ABLIM1: variants seen among roughly 807,000 people sequenced by gnomAD.
ABLIM1 encodes the protein actin binding LIM protein 1, also known as actin-binding LIM protein 1.
In ABLIM1, 40 loss-of-function variants were observed where a neutral mutation model predicts 107.0. The ratio of observed to expected loss-of-function variants is 0.37; its 90% confidence interval spans 0.29 to 0.49. The LOEUF is 0.49. ABLIM1 is among the 20% of genes least tolerant of loss of function. The pLI is 0.97. For synonymous variants in ABLIM1, 357 were observed against 357.3 expected, an observed-to-expected ratio of 1.00 and a Z score of 0.01; for missense variants, 857 against 1,008.5, an observed-to-expected ratio of 0.85 and a Z score of 2.04.
intron 6 of ABLIM1, among the ~76,000 whole-genome samples, chr10:114,504,010 G>A (rs912543576): frequency 2.0e-5 from 3 of 152,188 alleles, no homozygotes; most frequent in Non-Finnish European, 4.4e-5. Flanking sequence ...CATTGCAATA[G>A]TTGGATAACT....
chr10:114,516,992 C>T (rs1263034870), intron 6 of ABLIM1, among the ~76,000 whole-genome samples: 2 of 152,060 alleles, frequency 1.3e-5, no homozygotes, highest in Non-Finnish European at 2.9e-5. Context: ...CTTGGGACTC[C>T]GTTTTTTTTT....
chr10:114,752,101 T>C (rs187188616), intron 1 of ABLIM1, among the ~76,000 whole-genome samples: 15 of 152,306 alleles, frequency 9.8e-5, no homozygotes, highest in Admixed American at 6.5e-4. Context: ...ATTACAGGAA[T>C]TGAGTCAAAG....
chr10:114,587,666 T>C (rs1259820433), intron 2 of ABLIM1, among the ~76,000 whole-genome samples: 1 of 152,168 alleles, frequency 6.6e-6, no homozygotes, highest in African/African-American at 2.4e-5. Flanking sequence ...GCCACACCTG[T>C]GTCCTCACCG....
At chr10:114,600,788 C>T (rs191363940) in intron 2 of ABLIM1, among the ~76,000 whole-genome samples, 130 of 152,222 alleles carry the variant, frequency 8.5e-4, no homozygotes, top group African/African-American at 3.0e-3. Context: ...TCTTGAGCTA[C>T]CCAGACATGC....
At chr10:114,640,630 A>G (rs941096696) in intron 1 of ABLIM1, among the ~76,000 whole-genome samples, 3 of 152,244 alleles carry the variant, frequency 2.0e-5, no homozygotes, top group Non-Finnish European at 4.4e-5. Flanking sequence ...AGAATAAAGT[A>G]CATAACATCT....
At chr10:114,570,034 T>C (rs137912823) in intron 4 of ABLIM1, among the ~76,000 whole-genome samples, 123 of 152,360 alleles carry the variant, frequency 8.1e-4, no homozygotes, top group Non-Finnish European at 1.4e-3. Flanking sequence ...GAATCACTAT[T>C]ATAAATTGCA....
At chr10:114,536,514 C>T (rs1247394785) in intron 6 of ABLIM1, among the ~76,000 whole-genome samples, 1 of 152,060 alleles carries the variant, frequency 6.6e-6, no homozygotes. Flanking sequence ...TCCCAAAGTG[C>T]TGGGATTACA....
chr10:114,797,645 G>GA, the ABLIM1 span, among the ~76,000 whole-genome samples: 1 of 151,798 alleles, frequency 6.6e-6, no homozygotes, highest in Admixed American at 6.6e-5. Context: ...TTCCTCCTTT[G>GA]AAAAAAACTA....
chr10:114,701,999 AT>A (rs953406386), intron 1 of ABLIM1, among the ~76,000 whole-genome samples: 1 of 152,128 alleles, frequency 6.6e-6, no homozygotes, highest in Admixed American at 6.5e-5. Flanking sequence ...TCATTATACT[AT>A]TTTTTTATTG....
chr10:114,734,556 C>A (rs2082141450), intron 1 of ABLIM1, among the ~76,000 whole-genome samples: 1 of 152,140 alleles, frequency 6.6e-6, no homozygotes, highest in African/African-American at 2.4e-5. Context: ...GCCCACCTCA[C>A]CCTCTGTTTT....
At chr10:114,725,541 G>C (rs943693843) in intron 1 of ABLIM1, among the ~76,000 whole-genome samples, 3 of 152,036 alleles carry the variant, frequency 2.0e-5, no homozygotes, top group Non-Finnish European at 4.4e-5. Flanking sequence ...GAAATGAAGT[G>C]TATTTCTTCT....
At chr10:114,737,930 T>C (rs1476826833) in intron 1 of ABLIM1, among the ~76,000 whole-genome samples, 1 of 152,164 alleles carries the variant, frequency 6.6e-6, no homozygotes, top group African/African-American at 2.4e-5. Flanking sequence ...ATGTTCACTC[T>C]ACTACTACTT....
At chr10:114,527,634 GA>G (rs2064966301) in intron 6 of ABLIM1, among the ~76,000 whole-genome samples, 1 of 150,488 alleles carries the variant, frequency 6.6e-6, no homozygotes, top group Non-Finnish European at 1.5e-5. Context: ...TAGGATGATG[GA>G]AAGATTTCTG....
At chr10:114,512,662 T>C (rs965001590) in intron 6 of ABLIM1, among the ~76,000 whole-genome samples, 9 of 152,010 alleles carry the variant, frequency 5.9e-5, no homozygotes, top group Admixed American at 2.0e-4. Flanking sequence ...CTGTCTCTAT[T>C]ACAAATACAA....
intron 4 of ABLIM1, among the ~76,000 whole-genome samples, chr10:114,564,194 A>G (rs2070289905): frequency 6.6e-6 from 1 of 151,456 alleles, no homozygotes; most frequent in Non-Finnish European, 1.5e-5. Flanking sequence ...TCGTTGCTCT[A>G]TCTTCCAACT....
At chr10:114,627,333 G>A (rs143834698) in intron 1 of ABLIM1, among the ~76,000 whole-genome samples, 3 of 152,070 alleles carry the variant, frequency 2.0e-5, no homozygotes, top group South Asian at 2.1e-4. Flanking sequence ...TTTCCTGATC[G>A]GCATACTTGG....
Position 114,464,237 on chromosome 10 carries a change from G to A in ABLIM1, c.1441+1461C>T, listed in dbSNP as rs2064636563. Among the ~76,000 whole-genome samples, 3 of 149,992 alleles carry A rather than the reference G, an allele frequency of 2.0e-5. No individual in the cohort carries two copies. The South Asian group carries it at 6.3e-4, about 32-fold the overall frequency. ...GTCTTGCTCTGTCATCCAGGTTGGAGTGCAATGGCGCCATCTTGGCTCACT... is the reference window on the plus strand; with the variant it reads ...GTCTTGCTCTGTCATCCAGGTTGGAATGCAATGGCGCCATCTTGGCTCACT... On this transcript the variant is annotated intron_variant, in intron 12 of 22. Coordinates refer to ENST00000533213, the MANE Select transcript of ABLIM1 (RefSeq NM_002313.7).
chr10:114,717,913 AG>A (rs1171746946), intron 1 of ABLIM1, among the ~76,000 whole-genome samples: 7 of 124,766 alleles, frequency 5.6e-5, no homozygotes, highest in African/African-American at 3.0e-5. Flanking sequence ...CCCTGTCAAA[AG>A]GAGAGGAGAG....
In ABLIM1 at chr10:114,734,113, G is replaced by A. The variant is rs1344776904; in HGVS notation, c.-213+33948C>T. Among the ~76,000 whole-genome samples the A allele has an allele frequency of 3.3e-5, 5 of 152,124 alleles. No homozygotes were observed. The East Asian group carries it at 9.7e-4, about 29-fold the overall frequency. On this transcript the variant is annotated intron_variant, in intron 1 of 15. Coordinates refer to the ABLIM1 transcript ENST00000651092. ...GACCTCAGGTGATCCGCCCACCTCA[G>A]CCTCCCAAAGTGCTGGGATTATAGG...
Sources: allele counts gnomAD v4.1 joint callset (sites outside exome capture counted in the v4.1 genomes callset), GRCh38; gene constraint gnomAD v4.1.1; transcripts MANE v1.5; gene names NCBI Gene and HGNC (gene_info 2026-07-23, HGNC 2026-07-21).